PARP11: variants seen among roughly 807,000 people sequenced by gnomAD.
The protein encoded by PARP11 is protein mono-ADP-ribosyltransferase PARP11.
PARP11 carries 31 observed loss-of-function variants against 42.9 expected under a neutral mutation model. That is an observed-to-expected ratio of 0.72 (90% confidence interval 0.54 to 0.98). The LOEUF (loss-of-function observed/expected upper bound fraction) is 0.98. PARP11 is among the 50% of genes least tolerant of loss of function. The pLI, the probability that PARP11 is intolerant of heterozygous loss-of-function variation, is 0.00. For missense variants in PARP11, 365 were observed against 413.1 expected (o/e 0.88, Z 1.01); for synonymous variants, 137 against 127.3 (o/e 1.08, Z -0.51).
intron 1 of PARP11, among the ~76,000 whole-genome samples, chr12:3,831,299 AC>A (rs1947633832): frequency 6.6e-6 from 1 of 152,180 alleles, no homozygotes; most frequent in Non-Finnish European, 1.5e-5. Context: ...ACACATAAAA[AC>A]ATATAGAGTT....
intron 1 of PARP11, chr12:3,832,097 G>A (rs939248919): frequency 6.1e-5 from 58 of 945,972 alleles, no homozygotes; most frequent in African/African-American, 3.9e-4. Context: ...TGTGTGCTCC[G>A]CTATAAAACA....
intron 1 of PARP11, chr12:3,842,173 C>A: frequency 6.2e-7 from 1 of 1,611,728 alleles, no homozygotes; most frequent in East Asian, 2.2e-5. Flanking sequence ...GATCCTAAGA[C>A]TGCTGCTGAT....
intron 1 of PARP11, among the ~76,000 whole-genome samples, chr12:3,831,567 A>G (rs1207810703): frequency 6.6e-6 from 1 of 152,154 alleles, no homozygotes; most frequent in Non-Finnish European, 1.5e-5. Context: ...CAATGTTATA[A>G]ATGAACGAGA....
chr12:3,853,876 T>C lies in PARP11; in HGVS notation c.18+19336A>G, dbSNP rs561264867. Among the ~76,000 whole-genome samples, 24 of 152,290 alleles carry C rather than the reference T, an allele frequency of 1.6e-4. No individual in the cohort carries two copies. In the South Asian group the frequency reaches 4.8e-3, roughly 30 times the overall value. ...TGTACTTATTCCAAAATTGACCACA[T>C]AGTTGGAAATAAAGCATTCCTCAGC... On this transcript the variant is annotated intron_variant, in intron 1 of 7. Transcript: ENST00000228820.
chr12:3,846,698 A>G (rs1217553570), intron 1 of PARP11, among the ~76,000 whole-genome samples: 1 of 151,962 alleles, frequency 6.6e-6, no homozygotes, highest in African/African-American at 2.4e-5. Context: ...CAGAGCTTGC[A>G]GTGAGCCAAG....
chr12:3,862,184 T>G (rs1439603785), intron 1 of PARP11, among the ~76,000 whole-genome samples: 1 of 152,186 alleles, frequency 6.6e-6, no homozygotes, highest in African/African-American at 2.4e-5. Flanking sequence ...TCACAGCACT[T>G]TGGGAGGCTG....
At chr12:3,830,539 T>A (rs1244053128) in intron 1 of PARP11, among the ~76,000 whole-genome samples, 3 of 152,208 alleles carry the variant, frequency 2.0e-5, no homozygotes, top group Non-Finnish European at 2.9e-5. Flanking sequence ...TGAACGTGCC[T>A]GTATCTGTGT....
Position 3,829,913 on chromosome 12 carries a change from A to T in PARP11, c.124T>A (p.Cys42Ser). Reference sequence around the variant, plus strand: ...ACCTGAAACATGTGCCACTTCCCACATTCTGCCAAGTAAAACCAGCCCCAC... The same window carrying T: ...ACCTGAAACATGTGCCACTTCCCACTTTCTGCCAAGTAAAACCAGCCCCAC... ...TQWGWFYLAE[C>S]GKWHMFQPDT... Residue 42 changes from cysteine (C) to serine (S), a missense_variant, in exon 2 of 8, where the codon TGT (cysteine) becomes AGT (serine). Physicochemically the swap from Cys to Ser is moderately radical, Grantham distance 112. Coordinates refer to ENST00000228820, the MANE Select transcript of PARP11 (RefSeq NM_020367.6). 1 of 1,614,024 alleles carries T rather than the reference A, an allele frequency of 6.2e-7. No homozygotes were observed. The highest frequency in any genetic ancestry group is 8.5e-7 in the Non-Finnish European group (1 of 1,179,924).
In PARP11 at chr12:3,861,522, T is replaced by C. The variant is rs1371899741; in HGVS notation, c.18+11690A>G. On this transcript the variant is annotated intron_variant, in intron 1 of 7. Coordinates refer to ENST00000228820, the MANE Select transcript of PARP11 (RefSeq NM_020367.6). The surrounding 1 kb of genome is among the most constrained non-coding windows in gnomAD (Gnocchi z 4.6). ...CTTTAGCTCACTTTAAAAAATTGAG[T>C]TCCTTCTCTTGAGATTTCAGAGTTC... 6.6e-6 allele frequency among the ~76,000 whole-genome samples: 1 copy of C among 152,206 alleles called. No homozygotes were observed. Among genetic ancestry groups the C allele is most frequent in the Non-Finnish European group, 1.5e-5 (1 of 68,036 alleles).
chr12:3,816,876 T>C (rs1219569584), intron 6 of PARP11, among the ~76,000 whole-genome samples: 1 of 152,036 alleles, frequency 6.6e-6, no homozygotes, highest in Non-Finnish European at 1.5e-5. Context: ...CACTGCAGCC[T>C]GGGGAACAGA....
At chr12:3,866,891 T>G (rs1156819724) in intron 1 of PARP11, among the ~76,000 whole-genome samples, 1 of 152,198 alleles carries the variant, frequency 6.6e-6, no homozygotes, top group Non-Finnish European at 1.5e-5. Flanking sequence ...CAACACAATA[T>G]AGAAGAGCAA....
At chr12:3,835,786 A>G (rs1405152859) in intron 1 of PARP11, among the ~76,000 whole-genome samples, 1 of 152,192 alleles carries the variant, frequency 6.6e-6, no homozygotes, top group Non-Finnish European at 1.5e-5. Flanking sequence ...AGATTTGTGA[A>G]CAAGAAAATA....
At position 3,840,649 on chromosome 12, in the gene PARP11, G is replaced by A. The variant is rs1947866445; in HGVS notation, c.19-10631C>T. 8.2e-7 allele frequency: 1 copy of A among 1,213,996 alleles called. No homozygotes were observed. Among genetic ancestry groups the A allele is most frequent in the South Asian group, 1.2e-5 (1 of 83,076 alleles). The allele number at this position is 1,213,996 out of a possible 1,614,324, so 75.2% of individuals were successfully genotyped here. A position where few individuals can be genotyped will look rare whatever the true frequency, so the allele number is the denominator to read the frequency against. On this transcript the variant is annotated intron_variant, in intron 1 of 7. Transcript: ENST00000228820. The surrounding 1 kb of genome is among the most constrained non-coding windows in gnomAD (Gnocchi z 4.4). Reference sequence around the variant, plus strand: ...CTCAGAGTAGCAATCCATGTGTCCAGAGAAAATCATCACACGTAAGTGATA... The same window carrying A: ...CTCAGAGTAGCAATCCATGTGTCCAAAGAAAATCATCACACGTAAGTGATA...
chr12:3,845,029 T>C (rs762584129), intron 1 of PARP11, among the ~76,000 whole-genome samples: 1 of 149,868 alleles, frequency 6.7e-6, no homozygotes, highest in Non-Finnish European at 1.5e-5. Context: ...CATTTTTGAG[T>C]TGGAAATTAT....
At position 3,840,933 on chromosome 12, in the gene PARP11, G is replaced by A; in HGVS notation, c.19-10915C>T. On this transcript the variant is annotated intron_variant, in intron 1 of 7. Transcript: ENST00000228820. This position sits in a 1 kb window ranked among gnomAD's most constrained non-coding sequence, Gnocchi z 4.4. ...CAGAGGTACATCTAACTCCTGCAGT[G>A]CCTTCTTTACCAGCCACTGTGCCAG... 1 of 1,606,296 alleles carries A rather than the reference G, an allele frequency of 6.2e-7. No homozygotes were observed. Among genetic ancestry groups the A allele is most frequent in the Non-Finnish European group, 8.5e-7 (1 of 1,173,020 alleles).
intron 1 of PARP11, among the ~76,000 whole-genome samples, chr12:3,836,761 C>G (rs1157448317): frequency 1.3e-5 from 2 of 152,264 alleles, no homozygotes; most frequent in South Asian, 2.1e-4. Context: ...TAGGGAGAGA[C>G]AGTTCCCAGG....
At chr12:3,849,525 G>A (rs558482477) in intron 1 of PARP11, among the ~76,000 whole-genome samples, 8 of 152,212 alleles carry the variant, frequency 5.3e-5, no homozygotes, top group African/African-American at 1.9e-4. Flanking sequence ...ATGAGAATTC[G>A]TTATGTCAAG....
At chr12:3,834,790 AGAG>A (rs139252105) in intron 1 of PARP11, among the ~76,000 whole-genome samples, 17,897 of 151,836 alleles carry the variant, frequency 0.12, 1,305 homozygotes, top group Admixed American at 0.23. Context: ...CTTAGATCAG[AGAG>A]GAGTCAGAAA....
At chr12:3,828,504 T>C (rs554969547) in intron 3 of PARP11, among the ~76,000 whole-genome samples, 9 of 141,542 alleles carry the variant, frequency 6.4e-5, no homozygotes, top group African/African-American at 2.4e-4. Context: ...GCCGAGATCA[T>C]GCCACTGCAC....
Sources: allele counts gnomAD v4.1 joint callset (sites outside exome capture counted in the v4.1 genomes callset), GRCh38; gene constraint gnomAD v4.1.1; non-coding constraint Gnocchi (gnomAD v3.1); transcripts MANE v1.5; gene names NCBI Gene and HGNC (gene_info 2026-07-23, HGNC 2026-07-21).